The following SFMBT2 variants were observed in gnomAD, a reference collection of about 807,000 sequenced individuals.
SFMBT2 encodes Scm like with four mbt domains 2.
A neutral mutation model predicts 110.1 loss-of-function variants in SFMBT2; 38 were observed. The ratio of observed to expected loss-of-function variants is 0.35; its 90% CI spans 0.27 to 0.45. The LOEUF (loss-of-function observed/expected upper bound fraction) is 0.45, where lower values mean the gene tolerates loss of function less well. Among genes scored for constraint, SFMBT2 ranks in the 20% least tolerant of loss-of-function variants. The pLI is 1.00. For synonymous variants in SFMBT2, 425 were observed against 425.4 expected (o/e 1.00, Z 0.01); for missense variants, 1,011 against 1,094.9 (o/e 0.92, Z 1.08).
At chr10:7,294,438 C>A (rs1372636501) in intron 4 of SFMBT2, among the ~76,000 whole-genome samples, 1 of 152,206 alleles carries the variant, frequency 6.6e-6, no homozygotes, top group East Asian at 1.9e-4. Context: ...TAGACTCTAT[C>A]TGGACAGCCA....
chr10:7,365,915 C>T (rs1844882059), intron 4 of SFMBT2, among the ~76,000 whole-genome samples: 1 of 152,138 alleles, frequency 6.6e-6, no homozygotes, highest in South Asian at 2.1e-4. Flanking sequence ...TGTGAATATA[C>T]TAAAAAATCA....
intron 7 of SFMBT2, among the ~76,000 whole-genome samples, chr10:7,265,340 A>T (rs7922749): frequency 0.73 from 110,471 of 151,872 alleles, 40,959 homozygotes; most frequent in East Asian, 0.92. Context: ...TAGCTGGGAT[A>T]ACATGCGCAT....
rs1837501156 is a variant in SFMBT2 at position 7,159,725 on chromosome 10, T to C, written c.*4045A>G. The C allele has an allele frequency of 6.6e-6, 1 of 152,206 alleles. No homozygotes were observed. Among genetic ancestry groups the C allele is most frequent in the Non-Finnish European group, 1.5e-5 (1 of 68,046 alleles). 9.4% of individuals were successfully genotyped at this position (152,206 alleles called of 1,614,324 possible). ...CATCTCAATCCAAAAGCAGCAAAGA[T>C]GCTCAAACCACAACAAAGATTTTTA... On this transcript the variant is annotated 3_prime_UTR_variant, in exon 21 of 21. Transcript: ENST00000397167.
At chr10:7,214,867 C>T in intron 11 of SFMBT2, 1 of 621,022 alleles carries the variant, frequency 1.6e-6, no homozygotes, top group Non-Finnish European at 2.0e-6. Flanking sequence ...CTCCCCAGTT[C>T]AAAACTGGGT....
At chr10:7,346,977 C>T (rs1844134454) in intron 4 of SFMBT2, among the ~76,000 whole-genome samples, 1 of 150,608 alleles carries the variant, frequency 6.6e-6, no homozygotes, top group African/African-American at 2.5e-5. Context: ...GCGACAAAAC[C>T]AGACTCTGTC....
chr10:7,279,067 C>G (rs1841866054), intron 6 of SFMBT2, among the ~76,000 whole-genome samples: 1 of 147,230 alleles, frequency 6.8e-6, no homozygotes, highest in South Asian at 2.2e-4. Flanking sequence ...TGCCACTGCA[C>G]TGCACTTCAT....
intron 4 of SFMBT2, chr10:7,320,544 T>C (rs1182789358): frequency 3.1e-6 from 3 of 953,194 alleles, no homozygotes; most frequent in East Asian, 2.3e-4. Flanking sequence ...ACCATTTCAC[T>C]ATAGGAAGTA....
chr10:7,193,351 T>TAG (rs1838662798), intron 15 of SFMBT2, among the ~76,000 whole-genome samples: 2 of 152,210 alleles, frequency 1.3e-5, no homozygotes, highest in Non-Finnish European at 2.9e-5. Flanking sequence ...TTAGATACTG[T>TAG]CACTGACATT....
At chr10:7,234,882 G>C (rs953618884) in intron 9 of SFMBT2, among the ~76,000 whole-genome samples, 1 of 152,220 alleles carries the variant, frequency 6.6e-6, no homozygotes, top group Admixed American at 6.5e-5. Context: ...TGGTTCAAGG[G>C]AGATGAGCAG....
At chr10:7,222,986 C>T (rs186262270) in intron 10 of SFMBT2, among the ~76,000 whole-genome samples, 1 of 152,250 alleles carries the variant, frequency 6.6e-6, no homozygotes, top group Admixed American at 6.5e-5. Context: ...GCCAGTCACA[C>T]TGGATGAGGG....
chr10:7,381,070 C>CACAT (rs34216043), intron 2 of SFMBT2, among the ~76,000 whole-genome samples: 14,329 of 149,450 alleles, frequency 0.096, 803 homozygotes, highest in South Asian at 0.15. Flanking sequence ...CACACATACA[C>CACAT]ACATACATAC....
intron 2 of SFMBT2, among the ~76,000 whole-genome samples, 184 bp downstream of exon 2, chr10:7,381,615 T>C (rs1276593976): frequency 6.6e-6 from 1 of 152,190 alleles, no homozygotes; most frequent in Non-Finnish European, 1.5e-5. Flanking sequence ...CTGTCTAGTA[T>C]TCAAAATAAG....
chr10:7,218,733 A>G (rs987691691), intron 11 of SFMBT2, among the ~76,000 whole-genome samples: 1 of 152,226 alleles, frequency 6.6e-6, no homozygotes, highest in African/African-American at 2.4e-5. Context: ...AATACTGCCC[A>G]AAATGTTAAA....
intron 10 of SFMBT2, 53 bp downstream of exon 10, chr10:7,227,802 C>T (rs913798424): frequency 2.7e-5 from 41 of 1,505,116 alleles, no homozygotes; most frequent in East Asian, 9.1e-5. Context: ...ATAAAACTTA[C>T]GGTAGACAAA....
chr10:7,206,635 A>C, intron 11 of SFMBT2: 2 of 940,634 alleles, frequency 2.1e-6, no homozygotes, highest in Non-Finnish European at 2.5e-6. Flanking sequence ...TGACTGTCAC[A>C]TCCTATTTCG....
chr10:7,342,916 G>A lies in SFMBT2; in HGVS notation c.436+24733C>T, dbSNP rs185342055. Among the ~76,000 whole-genome samples the A allele has an allele frequency of 2.2e-3, 327 of 151,382 alleles. 6 individuals carry two copies. The East Asian group carries it at 0.058, about 27-fold the overall frequency. ...AAGAATTTTATTAGATTTTTTTGTG[G>A]GGAGAAGGAGGAGATACATATGTGT... On this transcript the variant is annotated intron_variant, in intron 4 of 20. Coordinates refer to ENST00000397167, the MANE Select transcript of SFMBT2 (RefSeq NM_001387889.1).
At chr10:7,230,102 C>G (rs557296812) in intron 9 of SFMBT2, among the ~76,000 whole-genome samples, 3 of 151,948 alleles carry the variant, frequency 2.0e-5, no homozygotes, top group Non-Finnish European at 4.4e-5. Flanking sequence ...GAGACTGACC[C>G]GTGACCTTCC....
intron 7 of SFMBT2, among the ~76,000 whole-genome samples, chr10:7,271,693 A>G (rs953743490): frequency 6.6e-6 from 1 of 152,220 alleles, no homozygotes; most frequent in Non-Finnish European, 1.5e-5. Flanking sequence ...TGTACCCGAG[A>G]CTGGGCAATT....
Position 7,163,722 on chromosome 10 carries a change from T to G in SFMBT2, c.*48A>C, listed in dbSNP as rs1239083526. On this transcript the variant is annotated 3_prime_UTR_variant, in exon 21 of 21. Coordinates refer to ENST00000397167, the MANE Select transcript of SFMBT2 (RefSeq NM_001387889.1). The surrounding 1 kb of genome is among the most constrained non-coding windows in gnomAD (Gnocchi z 4.8). The stretch of plus-strand genomic sequence containing the variant: ...TCAAAGTTTCAGTCCTGGAAACCTT[T>G]ACCAACACCGCATCCCAGCAATAAT... 1 of 1,556,992 alleles carries G rather than the reference T, an allele frequency of 6.4e-7. No individual in the cohort carries two copies. Among genetic ancestry groups the G allele is most frequent in the South Asian group, 1.1e-5 (1 of 88,294 alleles).
Sources: gnomAD v4.1 joint callset for allele counts (sites outside exome capture counted in the v4.1 genomes callset) on GRCh38, gnomAD v4.1.1 for gene constraint, Gnocchi (gnomAD v3.1) non-coding constraint, MANE v1.5 for transcripts, NCBI Gene and HGNC (gene_info 2026-07-23, HGNC 2026-07-21) for gene names.